Variants in MACF1 observed in about 807,000 individuals in gnomAD.
MACF1 encodes microtubule actin crosslinking factor 1.
In MACF1, 193 loss-of-function variants were observed where a neutral mutation model predicts 854.8. The ratio of observed to expected loss-of-function variants is 0.23; its 90% CI spans 0.20 to 0.25. MACF1 has a LOEUF of 0.25. Ranked by LOEUF, MACF1 falls within the 10% of genes least tolerant of loss-of-function variation. The pLI, the probability that MACF1 is intolerant of heterozygous loss-of-function variation, is 1.00. For synonymous variants in MACF1, 3,185 were observed against 3,226.7 expected, an observed-to-expected ratio of 0.99 and a Z score of 0.44; for missense variants, 7,722 against 8,929.1, an observed-to-expected ratio of 0.86 and a Z score of 5.45.
intron 23 of MACF1, among the ~76,000 whole-genome samples, chr1:39,305,922 GTCT>G (rs1378578642): frequency 6.6e-6 from 1 of 152,084 alleles, no homozygotes; most frequent in Non-Finnish European, 1.5e-5. Flanking sequence ...GCCACTCTCT[GTCT>G]TCTTTACTCA....
At chr1:39,216,618 GA>G in intron 1 of MACF1, among the ~76,000 whole-genome samples, 1 of 151,468 alleles carries the variant, frequency 6.6e-6, no homozygotes, top group South Asian at 2.1e-4. Flanking sequence ...GCTTTTTGAG[GA>G]AAAAAAGCTG....
intron 99 of MACF1, among the ~76,000 whole-genome samples, chr1:39,481,975 G>A: frequency 6.6e-6 from 1 of 152,168 alleles, no homozygotes; most frequent in African/African-American, 2.4e-5. Flanking sequence ...TAAACTACTA[G>A]ACTCACCCTG....
intron 2 of MACF1, among the ~76,000 whole-genome samples, chr1:39,085,799 C>T (rs1243849793): frequency 2.0e-5 from 3 of 152,180 alleles, no homozygotes; most frequent in African/African-American, 7.2e-5. Flanking sequence ...ACCTCTTCAG[C>T]TTCACCTGCC....
At position 39,441,224 on chromosome 1, in the gene MACF1, A is replaced by G; in HGVS notation, c.18571A>G (p.Met6191Val). 2 of 1,614,060 alleles carry G rather than the reference A, an allele frequency of 1.2e-6. No individual in the cohort carries two copies. Among genetic ancestry groups the G allele is most frequent in the Non-Finnish European group, 8.5e-7 (1 of 1,179,898 alleles). The change falls in exon 74 of 101, where the codon ATG becomes GTG. Residue 6191 changes from methionine to valine, a missense_variant and splice_region_variant. Around this residue, in one of 15 missense-constraint regions of MACF1, gnomAD observed 2,807 missense variants for 3,235.8 expected, o/e 0.87. Transcript: ENST00000564288. ...KPEVRKSIDE[M>V]NNAWENLNKT... ...ATCTGATTGAATGTTTTTCCCCTAG[A>G]TGAATAATGCTTGGGAGAACTTAAA...
chr1:39,413,999 C>T, intron 58 of MACF1: 1 of 1,608,370 alleles, frequency 6.2e-7, no homozygotes, highest in South Asian at 1.1e-5. Flanking sequence ...ACCTCCCCAG[C>T]AGCAGCAGTG....
At chr1:39,224,621 G>C (rs1006247921) in intron 1 of MACF1, among the ~76,000 whole-genome samples, 4 of 152,126 alleles carry the variant, frequency 2.6e-5, no homozygotes, top group African/African-American at 9.7e-5. Context: ...TCTGAGTGTT[G>C]TCATCATACT....
Position 39,324,227 on chromosome 1 carries a change from A to G in MACF1, c.4271A>G (p.Glu1424Gly). 1 of 1,612,048 alleles carries G rather than the reference A, an allele frequency of 6.2e-7. No homozygotes were observed. The highest frequency in any genetic ancestry group is 8.5e-7 in the Non-Finnish European group (1 of 1,178,992). The change falls in exon 34 of 101, where the codon GAG becomes GGG. Residue 1424 changes from glutamate to glycine, a missense_variant. Physicochemically the swap from Glu to Gly is moderately conservative, Grantham distance 98. Transcript: ENST00000564288. ...GAAGAGGAGAAACAAGAACATGTGG[A>G]GAAGGTTAAAGAACTTTTGGGCTGG... Reference protein sequence around the residue: ...VVEEEKQEHVEKVKELLGWVS... With the variant: ...VVEEEKQEHVGKVKELLGWVS...
chr1:39,432,735 A>G, intron 67 of MACF1, 81 bp downstream of exon 67: 1 of 1,391,412 alleles, frequency 7.2e-7, no homozygotes, highest in East Asian at 2.5e-5. Context: ...ATCCCATGTC[A>G]AGTGGAATAA....
chr1:39,216,955 C>T (rs1357671023), intron 1 of MACF1, among the ~76,000 whole-genome samples: 1 of 152,142 alleles, frequency 6.6e-6, no homozygotes, highest in Non-Finnish European at 1.5e-5. Context: ...ACACGGGGTT[C>T]CTACTCCACC....
intron 97 of MACF1, among the ~76,000 whole-genome samples, chr1:39,479,566 G>C (rs1459191192): frequency 2.0e-5 from 3 of 152,166 alleles, no homozygotes; most frequent in Non-Finnish European, 4.4e-5. Context: ...GAGTGGGCTG[G>C]TCCTTTATAC....
intron 2 of MACF1, among the ~76,000 whole-genome samples, chr1:39,145,915 A>G (rs1448644051): frequency 2.0e-5 from 3 of 152,198 alleles, no homozygotes; most frequent in African/African-American, 7.2e-5. Context: ...AGCCTACAGA[A>G]ATTTGCATGT....
At chr1:39,279,644 T>A (rs2148375917) in intron 6 of MACF1, among the ~76,000 whole-genome samples, 1 of 152,260 alleles carries the variant, frequency 6.6e-6, no homozygotes, top group East Asian at 1.9e-4. Context: ...GCTGTCTTAT[T>A]ATTATGGGAA....
chr1:39,215,457 T>TG (rs1553167889), intron 1 of MACF1: 3 of 152,044 alleles, frequency 2.0e-5, no homozygotes, highest in African/African-American at 7.3e-5. Flanking sequence ...TTTTTTTTTT[T>TG]GCTTGTCCGG....
rs190420600 is a variant in MACF1 at position 39,130,156 on chromosome 1, T to C, written c.220+45718T>C. 3.9e-4 allele frequency among the ~76,000 whole-genome samples: 59 copies of C among 152,154 alleles called. 1 individual carries two copies. Among genetic ancestry groups the C allele is most frequent in the African/African-American group, 1.3e-3 (52 of 41,508 alleles). ...AAAGATCCCTTTCAGAGTTTATTTTTCCCCCCCATTCATGGGGAATTCTTC... is the reference window on the plus strand; with the variant it reads ...AAAGATCCCTTTCAGAGTTTATTTTCCCCCCCCATTCATGGGGAATTCTTC... On this transcript the variant is annotated intron_variant, in intron 2 of 93. Coordinates refer to the MACF1 transcript ENST00000361689.
intron 6 of MACF1, among the ~76,000 whole-genome samples, chr1:39,259,323 G>A (rs1645130962): frequency 6.6e-6 from 1 of 152,072 alleles, no homozygotes; most frequent in Non-Finnish European, 1.5e-5. Flanking sequence ...TTGCAATGAT[G>A]TGTTCTTGGC....
In MACF1 at chr1:39,449,689, C is replaced by T. The variant is rs562680891; in HGVS notation, c.20258+926C>T. On this transcript the variant is annotated intron_variant, in intron 84 of 100. Transcript: ENST00000564288. Reference sequence around the variant, plus strand: ...CTGGGATTACAGGCGTGAGCCACCGCGCCTGGCATTTTTTTTTTTTTTTGT... The same window carrying T: ...CTGGGATTACAGGCGTGAGCCACCGTGCCTGGCATTTTTTTTTTTTTTTGT... Among the ~76,000 whole-genome samples the T allele has an allele frequency of 3.8e-4, 52 of 137,506 alleles. 1 individual carries two copies. The highest frequency in any genetic ancestry group is 1.3e-3 in the African/African-American group (49 of 36,574). The allele number at this position is 137,506 out of a possible 152,430, so 90.2% of individuals were successfully genotyped here.
intron 35 of MACF1, among the ~76,000 whole-genome samples, chr1:39,326,857 G>A (rs985990022): frequency 1.3e-5 from 2 of 151,980 alleles, no homozygotes; most frequent in African/African-American, 4.8e-5. Context: ...TATAGAAGGA[G>A]TAAAGAAAGA....
chr1:39,306,860 AATT>A (rs141461887), intron 23 of MACF1, among the ~76,000 whole-genome samples: 2,726 of 144,868 alleles, frequency 0.019, 68 homozygotes, highest in East Asian at 0.11. Flanking sequence ...CATTTTTTGA[AATT>A]ATTATTATTA....
In MACF1 at chr1:39,194,590, G is replaced by A. The variant is rs914560803; in HGVS notation, c.221-36592G>A. On this transcript the variant is annotated intron_variant, in intron 2 of 93. Transcript: ENST00000361689. ...CTCCTGACCTTAGGTGATCCACCCC[G>A]CCTCAGCCTTTTAATGTGCTGGGAT... is the stretch of plus-strand genomic sequence containing the variant. Among the ~76,000 whole-genome samples the A allele has an allele frequency of 6.6e-5, 10 of 151,704 alleles. No homozygotes were observed. In the South Asian group the frequency reaches 1.0e-3, roughly 16 times the overall value.
Sources: gnomAD v4.1 joint callset for allele counts (sites outside exome capture counted in the v4.1 genomes callset) on GRCh38, gnomAD v4.1.1 for gene constraint, gnomAD v4.1.1 regional missense constraint, MANE v1.5 for transcripts, NCBI Gene and HGNC (gene_info 2026-07-23, HGNC 2026-07-21) for gene names.